Variants in ZBTB17 observed in about 807,000 individuals in gnomAD.
ZBTB17 encodes the protein zinc finger and BTB domain containing 17, also known as zinc finger and BTB domain-containing protein 17.
In ZBTB17, 24 loss-of-function variants were observed where a neutral mutation model predicts 85.1. That is an observed-to-expected ratio of 0.28 (90% CI 0.20 to 0.40). ZBTB17 has a LOEUF of 0.40. Among genes scored for constraint, ZBTB17 ranks in the 10% least tolerant of loss-of-function variants. ZBTB17 has a pLI of 1.00. For missense variants in ZBTB17, 743 were observed against 1,105.1 expected, an observed-to-expected ratio of 0.67 and a Z score of 4.65; for synonymous variants, 464 against 460.2, an observed-to-expected ratio of 1.01 and a Z score of -0.11.
Position 15,976,072 on chromosome 1 carries a change from G to A in ZBTB17, c.-179C>T, listed in dbSNP as rs1300669189. On this transcript the variant is annotated 5_prime_UTR_variant, in exon 1 of 16. Coordinates refer to ENST00000375743, the MANE Select transcript of ZBTB17 (RefSeq NM_003443.3). ...CACTCCAGAGCAGACAAAGGGCGCCGCCATGTTAGAGTCGGGCGGAACCGA... is the reference window on the plus strand; with the variant it reads ...CACTCCAGAGCAGACAAAGGGCGCCACCATGTTAGAGTCGGGCGGAACCGA... 7 of 687,652 alleles carry A rather than the reference G, an allele frequency of 1.0e-5. No individual in the cohort carries two copies. The highest frequency in any genetic ancestry group is 2.1e-5 in the Admixed American group (1 of 47,530). The allele number at this position is 687,652 out of a possible 1,614,324, so 42.6% of individuals were successfully genotyped here. A position where few individuals can be genotyped will look rare whatever the true frequency, so the allele number is the denominator to read the frequency against.
intron 6 of ZBTB17, 119 bp downstream of exon 6, chr1:15,945,596 T>G: frequency 7.1e-7 from 1 of 1,413,974 alleles, no homozygotes; most frequent in Non-Finnish European, 9.5e-7. Flanking sequence ...CTGAAGTGCA[T>G]GGTGACTCCA....
intron 2 of ZBTB17, chr1:15,970,058 G>A: frequency 2.8e-6 from 2 of 707,378 alleles, no homozygotes; most frequent in South Asian, 3.0e-5. Flanking sequence ...ATTTCCAATA[G>A]GATTTTACAT....
chr1:15,955,438 C>T (rs2072011504), intron 2 of ZBTB17, among the ~76,000 whole-genome samples: 1 of 152,176 alleles, frequency 6.6e-6, no homozygotes, highest in Non-Finnish European at 1.5e-5. Context: ...AATCTTGGCT[C>T]CTCCCGACAA....
In ZBTB17 at chr1:15,951,843, C is replaced by T. The variant is rs937433090; in HGVS notation, c.-2-3346G>A. 6.6e-6 allele frequency among the ~76,000 whole-genome samples: 1 copy of T among 152,040 alleles called. No individual in the cohort carries two copies. Among genetic ancestry groups the T allele is most frequent in the African/African-American group, 2.4e-5 (1 of 41,378 alleles). On this transcript the variant is annotated intron_variant, in intron 2 of 15. Transcript: ENST00000375743. This position sits in a 1 kb window ranked among gnomAD's most constrained non-coding sequence, Gnocchi z 4.1. ...CTAGGAACATATCCCCTCCTAAGTA[C>T]GTGCTAGGAGGTGCTGTCTGGGGAG...
At chr1:15,946,106 G>T (rs781440200) in intron 5 of ZBTB17, 48 bp downstream of exon 5, 1 of 1,600,696 alleles carries the variant, frequency 6.2e-7, no homozygotes, top group South Asian at 1.1e-5. Context: ...TGCCCAGGCT[G>T]CTGGGAGGTG....
In ZBTB17 at chr1:15,966,942, CA is replaced by C. The variant is rs371769017; in HGVS notation, c.-3+6096del. Among the ~76,000 whole-genome samples the C allele has an allele frequency of 2.1e-4, 30 of 145,072 alleles. No individual in the cohort carries two copies. The highest frequency in any genetic ancestry group is 1.6e-3 in the East Asian group (8 of 5,034). ...ATTAATTAATTAATTAATTAAAAAA[CA>C]AAAAAAAAAGCCGTGGCCAGCAAAA... On this transcript the variant is annotated intron_variant, in intron 2 of 15. Coordinates refer to ENST00000375743, the MANE Select transcript of ZBTB17 (RefSeq NM_003443.3). The surrounding 1 kb of genome is among the most constrained non-coding windows in gnomAD (Gnocchi z 4.1).
intron 2 of ZBTB17, among the ~76,000 whole-genome samples, chr1:15,961,685 C>T (rs2148798707): frequency 6.6e-6 from 1 of 152,320 alleles, no homozygotes; most frequent in South Asian, 2.1e-4. Context: ...CCTGCGGCAG[C>T]GATCAATCAG....
rs777617370 is a variant in ZBTB17 at position 15,944,934 on chromosome 1, C to G, written c.927+3G>C. ...TGGGAGGGCTGGCCATAGTCTCCCT[C>G]ACCTCGCACTTGTGGATGACGGAGC... On this transcript the variant is annotated splice_donor_region_variant and intron_variant, in intron 7 of 15. Coordinates refer to ENST00000375743, the MANE Select transcript of ZBTB17 (RefSeq NM_003443.3). 6.4e-7 allele frequency: 1 copy of G among 1,572,320 alleles called. No individual in the cohort carries two copies. Among genetic ancestry groups the G allele is most frequent in the African/African-American group, 1.3e-5 (1 of 74,170 alleles).
Position 15,942,618 on chromosome 1 carries a change from T to A in ZBTB17, c.1949A>T (p.Glu650Val), listed in dbSNP as rs1358460664. The change falls in exon 14 of 16, where the codon GAG becomes GTG. Residue 650 changes from glutamate to valine, a missense_variant. Coordinates refer to ENST00000375743, the MANE Select transcript of ZBTB17 (RefSeq NM_003443.3). ...AGTGACCACGCTGACCTCACTGCCC[T>A]CCTCGGGCTCCAGGATCTTGATGCC... ...KAGIKILEPE[E>V]GSEVSVVTVD... The A allele has an allele frequency of 1.6e-5, 26 of 1,613,356 alleles. No homozygotes were observed. Among genetic ancestry groups the A allele is most frequent in the Non-Finnish European group, 2.2e-5 (26 of 1,180,048 alleles).
chr1:15,974,336 T>C (rs1373542861), intron 1 of ZBTB17, among the ~76,000 whole-genome samples: 1 of 126,220 alleles, frequency 7.9e-6, no homozygotes, highest in African/African-American at 2.8e-5. Flanking sequence ...TTTTTTTCCT[T>C]TTTTTTTTTT....
chr1:15,947,366 G>T lies in ZBTB17; in HGVS notation c.206-243C>A, dbSNP rs982246576. 13 of 522,384 alleles carry T rather than the reference G, an allele frequency of 2.5e-5. No individual in the cohort carries two copies. In the Admixed American group the frequency reaches 3.1e-4, roughly 13 times the overall value. 32.4% of individuals were successfully genotyped at this position (522,384 alleles called of 1,614,324 possible). A position where few individuals can be genotyped will look rare whatever the true frequency, so the allele number is the denominator to read the frequency against. On this transcript the variant is annotated intron_variant, in intron 3 of 15. Transcript: ENST00000375743. Reference sequence around the variant, plus strand: ...GCCTGCCCTGCACAGAGAACAAAAGGTGTGAACGCCCACCCTGCACAGAGG... The same window carrying T: ...GCCTGCCCTGCACAGAGAACAAAAGTTGTGAACGCCCACCCTGCACAGAGG...
rs1383198181 is a variant in ZBTB17 at position 15,943,279 on chromosome 1, G to A, written c.1698-85C>T. 4 of 1,604,736 alleles carry A rather than the reference G, an allele frequency of 2.5e-6. No homozygotes were observed. The African/African-American group carries it at 5.4e-5, about 21-fold the overall frequency. On this transcript the variant is annotated intron_variant, in intron 12 of 15. Coordinates refer to ENST00000375743, the MANE Select transcript of ZBTB17 (RefSeq NM_003443.3). ...CCCTCTAGACTGAAAAGGACCCCTA[G>A]GACCAGAGCCTGGGGCGTGGGCAGC...
chr1:15,961,713 G>A (rs568936470), intron 2 of ZBTB17, among the ~76,000 whole-genome samples: 1 of 152,260 alleles, frequency 6.6e-6, no homozygotes, highest in South Asian at 2.1e-4. Flanking sequence ...GCTCCCACCC[G>A]CCAGCCGCTT....
chr1:15,942,056 GACCAGCTC>G lies in ZBTB17; in HGVS notation c.2317_2324del (p.Glu773LeufsTer8). 6.2e-7 allele frequency: 1 copy of G among 1,612,626 alleles called. No individual in the cohort carries two copies. The highest frequency in any genetic ancestry group is 8.5e-7 in the Non-Finnish European group (1 of 1,180,024). On this transcript the variant is annotated frameshift_variant, in exon 16 of 16. Transcript: ENST00000375743. LOFTEE classifies it high-confidence loss of function. ...CCTCAGCCCCGTCGCGAGGGCGGAA[GACCAGCTC>G]CCCAGCCTGCAGCACCTGCCCGGCA...
rs1334036678 is a variant in ZBTB17, at chr1:15,945,096, C to T, written c.768G>A (p.Gln256=). 1.2e-6 allele frequency: 2 copies of T among 1,610,928 alleles called. No individual in the cohort carries two copies. Among genetic ancestry groups the T allele is most frequent in the Non-Finnish European group, 8.5e-7 (1 of 1,178,886 alleles). The change falls in exon 7 of 16, where the codon CAG becomes CAA. Residue 256 remains glutamine, a synonymous_variant. Coordinates refer to ENST00000375743, the MANE Select transcript of ZBTB17 (RefSeq NM_003443.3). ...CCTCGGGGGCCTCTCCGTTCTCCAG[C>T]TGGGAACCCTCCTCCTTGACCTCAG... ...GPAEVKEEGS[Q]LENGEAPEEN...
chr1:15,969,502 C>A, intron 2 of ZBTB17: 1 of 275,946 alleles, frequency 3.6e-6, no homozygotes, highest in South Asian at 3.2e-5. Flanking sequence ...GTCCTAGGTG[C>A]ACGGGGGCCG....
chr1:15,953,422 G>C lies in ZBTB17; in HGVS notation c.-2-4925C>G, dbSNP rs1409628100. 6.6e-6 allele frequency among the ~76,000 whole-genome samples: 1 copy of C among 152,172 alleles called. No individual in the cohort carries two copies. Among genetic ancestry groups the C allele is most frequent in the South Asian group, 2.1e-4 (1 of 4,830 alleles). The stretch of plus-strand genomic sequence containing the variant: ...CTGGGTTGCTCCCAACCACACTCCC[G>C]GCCATGCTCACCAGGGCTGCCTTGA... On this transcript the variant is annotated intron_variant, in intron 2 of 15. Transcript: ENST00000375743. The surrounding 1 kb of genome is among the most constrained non-coding windows in gnomAD (Gnocchi z 5.1).
At chr1:15,950,543 G>A (rs970300765) in intron 2 of ZBTB17, among the ~76,000 whole-genome samples, 2 of 152,214 alleles carry the variant, frequency 1.3e-5, no homozygotes, top group Admixed American at 6.5e-5. Flanking sequence ...CAGAAGAGGG[G>A]AATACCAGGG....
At chr1:15,971,419 A>ATATATATACACAC (rs1557799475) in intron 2 of ZBTB17, among the ~76,000 whole-genome samples, 11 of 107,378 alleles carry the variant, frequency 1.0e-4, no homozygotes, top group Non-Finnish European at 1.7e-4. Flanking sequence ...CACACACACT[A>ATATATATACACAC]TATATATATA....
Sources: allele counts gnomAD v4.1 joint callset (sites outside exome capture counted in the v4.1 genomes callset), GRCh38; gene constraint gnomAD v4.1.1; non-coding constraint Gnocchi (gnomAD v3.1); transcripts MANE v1.5; gene names NCBI Gene and HGNC (gene_info 2026-07-23, HGNC 2026-07-21).